The following GRIN2B variants were observed in gnomAD, a reference collection of about 807,000 sequenced individuals.
The protein encoded by GRIN2B is glutamate receptor ionotropic, NMDA 2B.
GRIN2B carries 5 observed loss-of-function variants against 114.5 expected under a neutral mutation model. That is an observed-to-expected ratio of 0.04 (90% CI 0.02 to 0.09). GRIN2B has a LOEUF of 0.09. GRIN2B is among the 10% of genes least tolerant of loss of function. The pLI, the probability that GRIN2B is intolerant of heterozygous loss-of-function variation, is 1.00. For missense variants in GRIN2B, 1,108 were observed against 1,943.5 expected (o/e 0.57, Z 8.08); for synonymous variants, 787 against 745.1 (o/e 1.06, Z -0.92).
intron 4 of GRIN2B, among the ~76,000 whole-genome samples, chr12:13,729,546 A>T (rs1053174084): frequency 3.3e-5 from 5 of 152,108 alleles, no homozygotes; most frequent in African/African-American, 1.2e-4. Flanking sequence ...GGGAAGATGG[A>T]GGCAGAGAAT....
intron 2 of GRIN2B, among the ~76,000 whole-genome samples, chr12:13,867,948 C>T (rs1865852714): frequency 6.6e-6 from 1 of 151,368 alleles, no homozygotes. Context: ...GAGAGATTAG[C>T]TAATCATGAC....
intron 4 of GRIN2B, among the ~76,000 whole-genome samples, chr12:13,692,765 T>C (rs1412745524): frequency 1.2e-3 from 74 of 62,150 alleles, no homozygotes; most frequent in African/African-American, 2.8e-3. Flanking sequence ...CTTTTCTTTT[T>C]TTTTTTTTTT....
rs138543289 is a variant in GRIN2B at position 13,943,527 on chromosome 12, C to T, written c.-19+36401G>A. On this transcript the variant is annotated intron_variant, in intron 2 of 13. Coordinates refer to ENST00000609686, the MANE Select transcript of GRIN2B (RefSeq NM_000834.5). ...AAGCCCTACGTGAACTGGCCCTTGACTACCTCCGTGATCTCATCTCTCCCA... is the reference window on the plus strand; with the variant it reads ...AAGCCCTACGTGAACTGGCCCTTGATTACCTCCGTGATCTCATCTCTCCCA... Among the ~76,000 whole-genome samples, 35 of 152,306 alleles carry T rather than the reference C, an allele frequency of 2.3e-4. No homozygotes were observed. The East Asian group carries it at 6.8e-3, about 29-fold the overall frequency.
intron 11 of GRIN2B, 61 bp downstream of exon 11, chr12:13,571,743 T>C (rs570047178): frequency 8.4e-6 from 13 of 1,549,544 alleles, no homozygotes; most frequent in Non-Finnish European, 6.2e-6. Flanking sequence ...TGTGATTCAA[T>C]AGTATGCTTA....
chr12:13,673,668 A>G (rs1950043819), intron 5 of GRIN2B, among the ~76,000 whole-genome samples: 1 of 152,108 alleles, frequency 6.6e-6, no homozygotes, highest in South Asian at 2.1e-4. Context: ...CCTAGGAAGT[A>G]GGGTCTAGTT....
intron 2 of GRIN2B, among the ~76,000 whole-genome samples, chr12:13,978,121 A>G (rs1863059628): frequency 1.3e-5 from 2 of 152,194 alleles, no homozygotes. Context: ...GGGGATGCAA[A>G]AGGGGCCCTG....
At chr12:13,976,360 A>G (rs530153040) in intron 2 of GRIN2B, among the ~76,000 whole-genome samples, 1 of 152,360 alleles carries the variant, frequency 6.6e-6, no homozygotes, top group Admixed American at 6.5e-5. Flanking sequence ...GCGACTGAAA[A>G]TGTAGTTTAC....
intron 2 of GRIN2B, among the ~76,000 whole-genome samples, chr12:13,956,404 G>A (rs1867593164): frequency 6.6e-6 from 1 of 152,174 alleles, no homozygotes; most frequent in African/African-American, 2.4e-5. Context: ...GTGGCAATTT[G>A]AGTTATGTTC....
intron 4 of GRIN2B, among the ~76,000 whole-genome samples, chr12:13,730,279 T>G (rs1181036727): frequency 6.6e-6 from 1 of 152,166 alleles, no homozygotes; most frequent in Non-Finnish European, 1.5e-5. Flanking sequence ...ATGATTACAC[T>G]TTCCAAATAC....
intron 2 of GRIN2B, among the ~76,000 whole-genome samples, chr12:13,972,639 A>T (rs1251290315): frequency 6.6e-6 from 1 of 152,236 alleles, no homozygotes; most frequent in Non-Finnish European, 1.5e-5. Context: ...AAGTACTGAA[A>T]TGAGGGTCAG....
At chr12:13,938,191 A>G (rs924077343) in intron 2 of GRIN2B, among the ~76,000 whole-genome samples, 10 of 152,140 alleles carry the variant, frequency 6.6e-5, no homozygotes, top group Non-Finnish European at 1.3e-4. Flanking sequence ...AATGAAATCC[A>G]AATAGCAAGA....
intron 3 of GRIN2B, among the ~76,000 whole-genome samples, chr12:13,819,723 C>T (rs1864897023): frequency 6.6e-6 from 1 of 152,124 alleles, no homozygotes; most frequent in Non-Finnish European, 1.5e-5. Context: ...TCAGATTTTG[C>T]TGCCAAATGA....
intron 4 of GRIN2B, among the ~76,000 whole-genome samples, chr12:13,720,547 T>G (rs1009313153): frequency 2.0e-5 from 3 of 152,212 alleles, no homozygotes; most frequent in Admixed American, 2.0e-4. Context: ...AAAAGTCCCT[T>G]ATTGGCTTCC....
chr12:13,926,257 A>G (rs1283973928), intron 2 of GRIN2B, among the ~76,000 whole-genome samples: 1 of 152,156 alleles, frequency 6.6e-6, no homozygotes, highest in African/African-American at 2.4e-5. Flanking sequence ...CTTCAGCAAC[A>G]CACACCCAAT....
intron 2 of GRIN2B, among the ~76,000 whole-genome samples, chr12:13,898,640 G>A (rs532066327): frequency 1.5e-4 from 23 of 152,324 alleles, no homozygotes; most frequent in African/African-American, 4.1e-4. Context: ...GGCTGGGCAC[G>A]GTGGCTCATG....
intron 4 of GRIN2B, among the ~76,000 whole-genome samples, chr12:13,714,339 G>T (rs903406807): frequency 3.3e-5 from 5 of 151,900 alleles, no homozygotes; most frequent in African/African-American, 1.2e-4. Flanking sequence ...GGAAAAAATA[G>T]TCCATGACAG....
intron 10 of GRIN2B, among the ~76,000 whole-genome samples, chr12:13,603,201 G>T (rs1949187327): frequency 6.6e-6 from 1 of 152,142 alleles, no homozygotes; most frequent in African/African-American, 2.4e-5. Context: ...TTAAAATAAT[G>T]TCTCTAAAAG....
intron 5 of GRIN2B, among the ~76,000 whole-genome samples, chr12:13,654,917 T>G (rs1384068282): frequency 1.3e-5 from 2 of 151,624 alleles, no homozygotes; most frequent in Non-Finnish European, 2.9e-5. Flanking sequence ...TCACTGAAGG[T>G]TTTACAAGCA....
At chr12:13,883,601 T>C (rs1356423564) in intron 2 of GRIN2B, among the ~76,000 whole-genome samples, 1 of 152,152 alleles carries the variant, frequency 6.6e-6, no homozygotes, top group East Asian at 1.9e-4. Flanking sequence ...ATCTCTTCTT[T>C]AGTAGTGCTT....
Sources: gnomAD v4.1 joint callset for allele counts (sites outside exome capture counted in the v4.1 genomes callset) on GRCh38, gnomAD v4.1.1 for gene constraint, MANE v1.5 for transcripts, NCBI Gene and HGNC (gene_info 2026-07-23, HGNC 2026-07-21) for gene names.